The following IL1RAPL1 variants were observed in gnomAD, a reference collection of about 807,000 sequenced individuals.
IL1RAPL1 encodes interleukin 1 receptor accessory protein like 1.
Under a neutral mutation model 48.4 loss-of-function variants are expected in IL1RAPL1, and 3 were observed. That is an observed-to-expected ratio of 0.06 (90% CI 0.03 to 0.16). The LOEUF (loss-of-function observed/expected upper bound fraction) is 0.16. Among genes scored for constraint, IL1RAPL1 ranks in the 10% least tolerant of loss-of-function variants. The pLI is 1.00. For synonymous variants in IL1RAPL1, 185 were observed against 187.7 expected, an observed-to-expected ratio of 0.99 and a Z score of 0.12; for missense variants, 349 against 530.6, an observed-to-expected ratio of 0.66 and a Z score of 3.36.
chrX:29,535,162 AT>A (rs1921186001), intron 5 of IL1RAPL1, among the ~76,000 whole-genome samples: 5 of 104,654 alleles, frequency 4.8e-5, no homozygotes, highest in African/African-American at 1.4e-4. Context: ...AAAAAAAAAA[AT>A]TAACTCCCTT....
At chrX:29,301,265 C>A (rs1932530207) in intron 3 of IL1RAPL1, among the ~76,000 whole-genome samples, 1 of 111,702 alleles carries the variant, frequency 9.0e-6, no homozygotes, top group African/African-American at 3.2e-5. Context: ...CTTAAAAGAA[C>A]TATAGTTTTT....
chrX:29,096,031 G>T (rs969122388), intron 2 of IL1RAPL1, among the ~76,000 whole-genome samples: 5 of 111,616 alleles, frequency 4.5e-5, no homozygotes, highest in African/African-American at 1.6e-4. Context: ...TTACATTAAA[G>T]AGTATCAACA....
chrX:28,973,971 A>G (rs780360416), intron 2 of IL1RAPL1, among the ~76,000 whole-genome samples: 7 of 112,472 alleles, frequency 6.2e-5, no homozygotes, highest in Non-Finnish European at 1.3e-4. Flanking sequence ...ATTAATTTTG[A>G]AAAGTTAAAG....
At position 29,168,931 on chromosome X, in the gene IL1RAPL1, ATATATATATTCATATGTACAATTG is replaced by A. The variant is rs1569251048; in HGVS notation, c.83-113972_83-113949del. Among the ~76,000 whole-genome samples the A allele has an allele frequency of 9.3e-4, 77 of 82,860 alleles. 6 individuals carry two copies. The highest frequency in any genetic ancestry group is 2.8e-3 in the African/African-American group (67 of 23,943). 72.0% of individuals were successfully genotyped at this position (82,860 alleles called of 115,157 possible). A position where few individuals can be genotyped will look rare whatever the true frequency, so the allele number is the denominator to read the frequency against. On this transcript the variant is annotated intron_variant, in intron 2 of 10. Transcript: ENST00000378993. The stretch of plus-strand genomic sequence containing the variant: ...TATATATATTCATATGTACAATTGT[ATATATATATTCATATGTACAATTG>A]TATATATATTCATATGTACAATTGT...
At chrX:29,087,137 T>C (rs933019893) in intron 2 of IL1RAPL1, among the ~76,000 whole-genome samples, 206 of 99,170 alleles carry the variant, frequency 2.1e-3, no homozygotes, top group African/African-American at 7.5e-3. Context: ...TTTAAAAATT[T>C]TTTTTTTTTT....
At chrX:29,769,206 A>T (rs144936796) in intron 6 of IL1RAPL1, among the ~76,000 whole-genome samples, 1 of 110,315 alleles carries the variant, frequency 9.1e-6, no homozygotes, top group Non-Finnish European at 1.9e-5. Flanking sequence ...GAATTATTTT[A>T]TTTCTTTTTA....
chrX:29,539,696 T>G (rs1399389596), intron 5 of IL1RAPL1, among the ~76,000 whole-genome samples: 1 of 110,897 alleles, frequency 9.0e-6, no homozygotes, highest in Non-Finnish European at 1.9e-5. Context: ...GTCTCTTTCT[T>G]CTTCCTGCTC....
intron 6 of IL1RAPL1, among the ~76,000 whole-genome samples, chrX:29,842,695 A>G (rs1931159812): frequency 8.9e-6 from 1 of 112,478 alleles, no homozygotes; most frequent in Non-Finnish European, 1.9e-5. Context: ...CAGTATATAA[A>G]GTTTCTGACC....
chrX:28,931,087 T>A (rs1001654274), intron 2 of IL1RAPL1, among the ~76,000 whole-genome samples: 80 of 111,809 alleles, frequency 7.2e-4, no homozygotes, highest in East Asian at 1.1e-3. Flanking sequence ...TGCATAAGTA[T>A]TTTAACTACT....
chrX:28,711,752 TTATATATTA>T (rs1441398847), intron 1 of IL1RAPL1, among the ~76,000 whole-genome samples: 2 of 96,042 alleles, frequency 2.1e-5, no homozygotes, highest in African/African-American at 9.1e-5. Context: ...TAATATACAT[TTATATATTA>T]TATATATAAT....
chrX:29,553,819 A>G (rs1423934085), intron 5 of IL1RAPL1, among the ~76,000 whole-genome samples: 1 of 111,271 alleles, frequency 9.0e-6, no homozygotes, highest in East Asian at 2.8e-4. Context: ...AGATAACTGT[A>G]GAGGCCACCA....
intron 6 of IL1RAPL1, among the ~76,000 whole-genome samples, chrX:29,761,632 A>G (rs1292109955): frequency 8.9e-6 from 1 of 112,049 alleles, no homozygotes; most frequent in South Asian, 3.7e-4. Context: ...TTATTAAATC[A>G]CTAATGTATG....
At chrX:29,850,758 C>A (rs2147198391) in intron 6 of IL1RAPL1, among the ~76,000 whole-genome samples, 1 of 112,626 alleles carries the variant, frequency 8.9e-6, no homozygotes, top group Non-Finnish European at 1.9e-5. Flanking sequence ...CAGTCTTGAG[C>A]AGCTTCACAG....
At position 29,530,842 on chromosome X, in the gene IL1RAPL1, T is replaced by C. The variant is rs1219348866; in HGVS notation, c.703+131534T>C. 2.7e-5 allele frequency among the ~76,000 whole-genome samples: 3 copies of C among 112,158 alleles called. No individual in the cohort carries two copies. In the Admixed American group the frequency reaches 2.8e-4, roughly 11 times the overall value. On this transcript the variant is annotated intron_variant, in intron 5 of 10. Coordinates refer to ENST00000378993, the MANE Select transcript of IL1RAPL1 (RefSeq NM_014271.4). ...AACTAGGTTTCTAGGAACAAACAGA[T>C]CTGAACTGAATTATTATTTTTTCCA...
chrX:29,176,695 C>T (rs1434416912), intron 2 of IL1RAPL1, among the ~76,000 whole-genome samples: 1 of 110,632 alleles, frequency 9.0e-6, no homozygotes, highest in Non-Finnish European at 1.9e-5. Flanking sequence ...AAAGACAATA[C>T]GATACAATTC....
intron 2 of IL1RAPL1, among the ~76,000 whole-genome samples, chrX:29,270,136 C>T (rs1272389858): frequency 8.9e-6 from 1 of 111,751 alleles, no homozygotes; most frequent in Non-Finnish European, 1.9e-5. Context: ...CTACATTCAT[C>T]ATTTGCTTAT....
chrX:29,595,291 T>C (rs896642867), intron 5 of IL1RAPL1, among the ~76,000 whole-genome samples: 1 of 112,295 alleles, frequency 8.9e-6, no homozygotes, highest in Non-Finnish European at 1.9e-5. Flanking sequence ...AGATCTACTT[T>C]TAGTTCTTTA....
intron 5 of IL1RAPL1, among the ~76,000 whole-genome samples, chrX:29,546,429 A>G (rs1460198934): frequency 8.9e-6 from 1 of 111,784 alleles, no homozygotes; most frequent in African/African-American, 3.3e-5. Flanking sequence ...CCTTTTTAAG[A>G]TGGTGATGTT....
intron 6 of IL1RAPL1, among the ~76,000 whole-genome samples, chrX:29,781,416 A>G (rs937081448): frequency 2.7e-5 from 3 of 111,908 alleles, no homozygotes; most frequent in African/African-American, 9.7e-5. Context: ...CCCAAAAGCC[A>G]GATTTGTATG....
Sources: allele counts gnomAD v4.1 joint callset (sites outside exome capture counted in the v4.1 genomes callset), GRCh38; gene constraint gnomAD v4.1.1; transcripts MANE v1.5; gene names NCBI Gene and HGNC (gene_info 2026-07-23, HGNC 2026-07-21).